Variants in KCNK2 observed in about 807,000 individuals in gnomAD.
The protein encoded by KCNK2 is potassium channel subfamily K member 2.
Under a neutral mutation model 40.5 loss-of-function variants are expected in KCNK2, and 21 were observed. That is an observed-to-expected ratio of 0.52 (90% CI 0.37 to 0.75). The LOEUF is 0.75. Among genes scored for constraint, KCNK2 ranks in the 30% least tolerant of loss-of-function variants. The probability of loss-of-function intolerance (pLI) is 0.00; values close to 1 mark genes in which losing one functional copy is unlikely to be tolerated. For missense variants in KCNK2, 399 were observed against 531.6 expected (o/e 0.75, Z 2.45); for synonymous variants, 191 against 202.2 (o/e 0.94, Z 0.47).
intron 1 of KCNK2, among the ~76,000 whole-genome samples, chr1:215,084,143 A>G (rs923342926): frequency 4.6e-5 from 7 of 152,018 alleles, no homozygotes; most frequent in Non-Finnish European, 7.4e-5. Flanking sequence ...GCAACAGCTT[A>G]AAAGAATTAA....
chr1:215,013,974 C>T (rs181680645), intron 1 of KCNK2, among the ~76,000 whole-genome samples: 30 of 152,164 alleles, frequency 2.0e-4, no homozygotes, highest in African/African-American at 6.7e-4. Flanking sequence ...TGGGAGCAAA[C>T]GTCTTTGTGT....
At chr1:215,208,199 CTT>C (rs1257893312) in intron 6 of KCNK2, among the ~76,000 whole-genome samples, 3 of 152,110 alleles carry the variant, frequency 2.0e-5, no homozygotes, top group African/African-American at 4.8e-5. Context: ...GAGATTATGT[CTT>C]TTGTGGGAAC....
At chr1:215,055,604 G>A (rs536346027) in intron 1 of KCNK2, among the ~76,000 whole-genome samples, 3 of 152,130 alleles carry the variant, frequency 2.0e-5, no homozygotes, top group Non-Finnish European at 4.4e-5. Context: ...TATTCTTTAA[G>A]GTCTCACTTT....
At chr1:215,080,504 G>A (rs1659111252), upstream of KCNK2, among the ~76,000 whole-genome samples, 1 of 152,192 alleles carries the variant, frequency 6.6e-6, no homozygotes, top group Admixed American at 6.5e-5. Flanking sequence ...CCTGGAGGGA[G>A]ACCAGGTGAA....
intron 5 of KCNK2, among the ~76,000 whole-genome samples, chr1:215,183,234 G>T (rs1407749658): frequency 6.6e-6 from 1 of 152,104 alleles, no homozygotes; most frequent in Non-Finnish European, 1.5e-5. Context: ...AGTGGCACAA[G>T]AATTCAGGTT....
At chr1:215,230,385 G>A (rs147863158) in intron 6 of KCNK2, among the ~76,000 whole-genome samples, 3,275 of 147,764 alleles carry the variant, frequency 0.022, 120 homozygotes, top group African/African-American at 0.078. Context: ...ATATAGAAAA[G>A]GTACAGTAAA....
intron 3 of KCNK2, among the ~76,000 whole-genome samples, chr1:215,136,208 G>T (rs889087009): frequency 2.6e-5 from 4 of 151,980 alleles, no homozygotes; most frequent in Non-Finnish European, 4.4e-5. Flanking sequence ...TGATTCTCCT[G>T]CCTCAATCTC....
rs377072920 is a variant in KCNK2 at position 215,037,837 on chromosome 1, C to T, written c.34+31882C>T. Among the ~76,000 whole-genome samples, 88 of 151,612 alleles carry T rather than the reference C, an allele frequency of 5.8e-4. 1 individual carries two copies. Among genetic ancestry groups the T allele is most frequent in the African/African-American group, 2.0e-3 (83 of 41,350 alleles). The stretch of plus-strand genomic sequence containing the variant: ...TGGCATTGTTTTTTCTGAATATGTC[C>T]TTATTATCTTTTTAAGACTTGTAGA... On this transcript the variant is annotated intron_variant, in intron 1 of 6. Transcript: ENST00000391895.
At chr1:215,044,816 TGTGTGTGTGTGCGC>T (rs1347093071) in intron 1 of KCNK2, among the ~76,000 whole-genome samples, 5 of 60,788 alleles carry the variant, frequency 8.2e-5, no homozygotes, top group Admixed American at 1.7e-4. Context: ...TGTGTGTGTG[TGTGTGTGTGTGCGC>T]GCGCACACGT....
At chr1:215,070,402 T>C (rs7529593) in intron 1 of KCNK2, among the ~76,000 whole-genome samples, 113,863 of 139,458 alleles carry the variant, frequency 0.82, 46,778 homozygotes, top group Non-Finnish European at 0.88. Context: ...GGCAACAGAG[T>C]GAGACCCCGT....
intron 6 of KCNK2, among the ~76,000 whole-genome samples, chr1:215,214,104 C>A (rs1665858584): frequency 6.6e-6 from 1 of 152,092 alleles, no homozygotes; most frequent in Non-Finnish European, 1.5e-5. Flanking sequence ...TCCATTCTTG[C>A]AATGCTGTAA....
At chr1:215,120,129 A>G (rs1364423998) in intron 2 of KCNK2, among the ~76,000 whole-genome samples, 1 of 152,208 alleles carries the variant, frequency 6.6e-6, no homozygotes, top group Non-Finnish European at 1.5e-5. Flanking sequence ...TTTACAACCC[A>G]CATGTTGCCA....
In KCNK2 at chr1:215,197,666, T is replaced by C. The variant is rs80041555; in HGVS notation, c.963+2574T>C. ...CACAAATCAGGCCATAACACCATCT[T>C]TTCAAATAAATACAAATTTCTACAT... On this transcript the variant is annotated intron_variant, in intron 6 of 6. Transcript: ENST00000444842. Among the ~76,000 whole-genome samples the C allele has an allele frequency of 1.6e-3, 239 of 152,292 alleles. 5 individuals are homozygous for C. In the East Asian group the frequency reaches 0.04, roughly 25 times the overall value.
At chr1:215,065,614 G>T (rs1157493) in intron 1 of KCNK2, among the ~76,000 whole-genome samples, 1 of 151,926 alleles carries the variant, frequency 6.6e-6, no homozygotes, top group Non-Finnish European at 1.5e-5. Context: ...ATGGTAAAAG[G>T]GATTTGTGAA....
intron 2 of KCNK2, among the ~76,000 whole-genome samples, chr1:215,088,656 T>A (rs1178875116): frequency 1.3e-5 from 2 of 151,994 alleles, no homozygotes; most frequent in African/African-American, 2.4e-5. Context: ...GGTCTCACCG[T>A]CCAGTATTAC....
intron 1 of KCNK2, among the ~76,000 whole-genome samples, chr1:215,011,958 G>C (rs180793210): frequency 5.3e-5 from 8 of 151,980 alleles, no homozygotes; most frequent in Admixed American, 2.0e-4. Flanking sequence ...CATCCTTCTT[G>C]TTGTTGTTGT....
At chr1:215,169,403 T>G (rs1663595978) in intron 4 of KCNK2, 44 bp downstream of exon 4, 1 of 1,451,956 alleles carries the variant, frequency 6.9e-7, no homozygotes, top group Admixed American at 2.3e-5. Flanking sequence ...ATTGTTTGAT[T>G]TTTTTAAAAA....
chr1:215,041,078 G>A (rs75742663), intron 1 of KCNK2, among the ~76,000 whole-genome samples: 2,715 of 152,142 alleles, frequency 0.018, 77 homozygotes, highest in African/African-American at 0.062. Context: ...GCTAAATTAA[G>A]GAAAACCATT....
intron 6 of KCNK2, among the ~76,000 whole-genome samples, chr1:215,213,668 A>G (rs528470347): frequency 6.6e-6 from 1 of 152,144 alleles, no homozygotes; most frequent in South Asian, 2.1e-4. Flanking sequence ...TAAATTACTA[A>G]TTAATTACTA....
Sources: allele counts gnomAD v4.1 joint callset (sites outside exome capture counted in the v4.1 genomes callset), GRCh38; gene constraint gnomAD v4.1.1; transcripts MANE v1.5; gene names NCBI Gene and HGNC (gene_info 2026-07-23, HGNC 2026-07-21).